Variants in PIGU observed in about 807,000 individuals in gnomAD.
PIGU encodes GPI-anchor transamidase component PIGU.
A neutral mutation model predicts 49.9 loss-of-function variants in PIGU; 24 were observed. The ratio of observed to expected loss-of-function variants is 0.48; its 90% CI spans 0.35 to 0.68. The LOEUF (loss-of-function observed/expected upper bound fraction) is 0.68, where lower values mean the gene tolerates loss of function less well. PIGU is among the 30% of genes least tolerant of loss of function. PIGU has a pLI of 0.01. For synonymous variants in PIGU, 220 were observed against 205.7 expected, an observed-to-expected ratio of 1.07 and a Z score of -0.59; for missense variants, 490 against 532.6, an observed-to-expected ratio of 0.92 and a Z score of 0.79.
intron 8 of PIGU, among the ~76,000 whole-genome samples, chr20:34,586,697 T>G (rs560001111): frequency 6.6e-6 from 1 of 152,264 alleles, no homozygotes; most frequent in African/African-American, 2.4e-5. Flanking sequence ...GTTTATAGAA[T>G]TCATGAATAT....
intron 9 of PIGU, among the ~76,000 whole-genome samples, chr20:34,582,482 C>G (rs534544851): frequency 6.6e-6 from 1 of 152,036 alleles, no homozygotes; most frequent in Non-Finnish European, 1.5e-5. Flanking sequence ...GAGTTTGAGA[C>G]CAGCCTAGGC....
intron 7 of PIGU, among the ~76,000 whole-genome samples, chr20:34,600,198 G>A (rs1984362235): frequency 6.6e-6 from 1 of 152,178 alleles, no homozygotes; most frequent in Non-Finnish European, 1.5e-5. Context: ...CTTGAGGTCA[G>A]AAGTTCGAGA....
intron 10 of PIGU, chr20:34,579,076 G>C (rs941594591): frequency 6.6e-6 from 1 of 152,202 alleles, no homozygotes; most frequent in Non-Finnish European, 1.5e-5. Flanking sequence ...GGACTTCAAA[G>C]GCCATGGTGA....
At chr20:34,579,442 T>G (rs1465751331) in intron 10 of PIGU, 1 of 152,232 alleles carries the variant, frequency 6.6e-6, no homozygotes, top group Non-Finnish European at 1.5e-5. Context: ...ATGTTAGCGC[T>G]GACAGCTAAT....
chr20:34,602,784 G>A (rs1488338928), intron 7 of PIGU, among the ~76,000 whole-genome samples: 1 of 152,010 alleles, frequency 6.6e-6, no homozygotes, highest in Non-Finnish European at 1.5e-5. Flanking sequence ...TACCAAGGTC[G>A]AGAGAAAGAA....
chr20:34,591,637 T>G (rs960216459), intron 7 of PIGU, among the ~76,000 whole-genome samples: 9 of 152,208 alleles, frequency 5.9e-5, no homozygotes, highest in African/African-American at 1.7e-4. Flanking sequence ...GAAAAAAACT[T>G]GCTGACCTCA....
chr20:34,589,213 C>T (rs866022047), intron 7 of PIGU, among the ~76,000 whole-genome samples: 8 of 151,732 alleles, frequency 5.3e-5, no homozygotes, highest in Admixed American at 1.3e-4. Context: ...GTATTAGCCT[C>T]CTGGGAACCA....
intron 1 of PIGU, among the ~76,000 whole-genome samples, chr20:34,660,048 TAAAAAAAAAAA>T (rs1555803430): frequency 1.9e-4 from 8 of 41,456 alleles, no homozygotes; most frequent in African/African-American, 5.3e-4. Flanking sequence ...GAATGATCAA[TAAAAAAAAAAA>T]AAAAAAAAAG....
chr20:34,565,152 A>T (rs954160419), intron 11 of PIGU, among the ~76,000 whole-genome samples: 2 of 152,204 alleles, frequency 1.3e-5, no homozygotes, highest in Admixed American at 1.3e-4. Context: ...TGCATGGGCG[A>T]GTCAGCGGCT....
At chr20:34,602,566 C>T (rs1252596405) in intron 7 of PIGU, among the ~76,000 whole-genome samples, 1 of 152,044 alleles carries the variant, frequency 6.6e-6, no homozygotes, top group African/African-American at 2.4e-5. Context: ...CACAGCACTC[C>T]AGCCTGGGCG....
intron 7 of PIGU, among the ~76,000 whole-genome samples, chr20:34,605,621 G>A (rs1244242770): frequency 6.6e-6 from 1 of 152,124 alleles, no homozygotes; most frequent in Admixed American, 6.5e-5. Context: ...TTATCCCTGT[G>A]GAAGCAGAGA....
chr20:34,582,710 T>C (rs967131645), intron 9 of PIGU, among the ~76,000 whole-genome samples: 2 of 151,902 alleles, frequency 1.3e-5, no homozygotes, highest in Non-Finnish European at 2.9e-5. Context: ...GGCAATCCTC[T>C]CACCTGTACT....
intron 4 of PIGU, among the ~76,000 whole-genome samples, chr20:34,643,165 A>C (rs1986223756): frequency 6.6e-6 from 1 of 152,096 alleles, no homozygotes; most frequent in Non-Finnish European, 1.5e-5. Context: ...CCTAAAATAT[A>C]GTTCTTAATT....
intron 7 of PIGU, among the ~76,000 whole-genome samples, chr20:34,598,316 G>A (rs74702930): frequency 1.3e-5 from 2 of 152,300 alleles, no homozygotes; most frequent in East Asian, 3.9e-4. Flanking sequence ...AACAGAGAAG[G>A]TCTGTGTGGT....
At chr20:34,650,905 C>T (rs574374026) in intron 2 of PIGU, among the ~76,000 whole-genome samples, 1 of 150,646 alleles carries the variant, frequency 6.6e-6, no homozygotes, top group African/African-American at 2.4e-5. Context: ...GTAGAGACAG[C>T]GTTTCACTAT....
At chr20:34,636,012 G>A (rs1985949918) in intron 5 of PIGU, among the ~76,000 whole-genome samples, 1 of 150,512 alleles carries the variant, frequency 6.6e-6, no homozygotes, top group Non-Finnish European at 1.5e-5. Flanking sequence ...CCAACATGGC[G>A]AGACTCTGTC....
At chr20:34,674,777 AAAT>A (rs200166240) in intron 1 of PIGU, among the ~76,000 whole-genome samples, 1 of 151,784 alleles carries the variant, frequency 6.6e-6, no homozygotes, top group East Asian at 1.9e-4. Context: ...AAATACAAAA[AAAT>A]AATAATAATA....
At chr20:34,669,469 C>G (rs544379125) in intron 1 of PIGU, among the ~76,000 whole-genome samples, 91 of 152,102 alleles carry the variant, frequency 6.0e-4, no homozygotes, top group Admixed American at 2.0e-3. Flanking sequence ...GAATTCAAGA[C>G]CAGCCTGACC....
chr20:34,655,420 C>A (rs1320768661), intron 2 of PIGU, among the ~76,000 whole-genome samples: 1 of 121,234 alleles, frequency 8.2e-6, no homozygotes, highest in Non-Finnish European at 1.8e-5. Context: ...GCCTGTAATC[C>A]CAGCACTTTG....
Sources: gnomAD v4.1 joint callset for allele counts (sites outside exome capture counted in the v4.1 genomes callset) on GRCh38, gnomAD v4.1.1 for gene constraint, MANE v1.5 for transcripts, NCBI Gene and HGNC (gene_info 2026-07-23, HGNC 2026-07-21) for gene names.